PHF19: variants seen among roughly 807,000 people sequenced by gnomAD.
PHF19 encodes the protein polycomb like 3.
In PHF19, 21 loss-of-function variants were observed where a neutral mutation model predicts 79.8. That is an observed-to-expected ratio of 0.26 (90% confidence interval 0.19 to 0.38). The LOEUF (loss-of-function observed/expected upper bound fraction) is 0.38. Ranked by LOEUF, PHF19 falls within the 10% of genes least tolerant of loss-of-function variation. The probability of loss-of-function intolerance (pLI) is 1.00; values close to 1 mark genes in which losing one functional copy is unlikely to be tolerated. For synonymous variants in PHF19, 273 were observed against 296.3 expected, an observed-to-expected ratio of 0.92 and a Z score of 0.81; for missense variants, 445 against 744.2, an observed-to-expected ratio of 0.60 and a Z score of 4.68.
At chr9:120,859,913 C>T (rs1377805552) in intron 14 of PHF19, among the ~76,000 whole-genome samples, 177 bp downstream of exon 14, 2 of 152,182 alleles carry the variant, frequency 1.3e-5, no homozygotes, top group Non-Finnish European at 2.9e-5. Context: ...TCTAAAGCCC[C>T]GTGACTCAGA....
intron 9 of PHF19, 124 bp downstream of exon 9, chr9:120,865,586 C>T (rs2045674954): frequency 4.8e-6 from 6 of 1,240,142 alleles, no homozygotes; most frequent in Middle Eastern, 2.3e-4. Flanking sequence ...AGATCAGAGG[C>T]CTGGACTCAG....
In PHF19 at chr9:120,869,849, A is replaced by G. The variant is rs796412350; in HGVS notation, c.461T>C (p.Val154Ala). The G allele has an allele frequency of 6.2e-7, 1 of 1,612,582 alleles. No homozygotes were observed. The highest frequency in any genetic ancestry group is 8.5e-7 in the Non-Finnish European group (1 of 1,179,514). ...FCRRCIFALA[V>A]RKGGALKKGA... Reference sequence around the variant, plus strand: ...TGGGGAGGATGGAAGGCTCACCCGCACAGCCAGTGCGAAGATGCAGCGTCG... The same window carrying G: ...TGGGGAGGATGGAAGGCTCACCCGCGCAGCCAGTGCGAAGATGCAGCGTCG... Residue 154 changes from valine (V) to alanine (A), a missense_variant, in exon 5 of 15, where the codon GTG (valine) becomes GCG (alanine). Transcript: ENST00000373896. This position sits in a 1 kb window ranked among gnomAD's most constrained non-coding sequence, Gnocchi z 5.8.
chr9:120,866,763 ACCT>A lies in PHF19; in HGVS notation c.710+104_710+106del. The A allele has an allele frequency of 1.4e-6, 1 of 702,386 alleles. No homozygotes were observed. The highest frequency in any genetic ancestry group is 2.7e-6 in the Non-Finnish European group (1 of 377,004). The allele number at this position is 702,386 out of a possible 1,614,324, so 43.5% of individuals were successfully genotyped here. On this transcript the variant is annotated intron_variant, in intron 7 of 14. Coordinates refer to ENST00000373896, the MANE Select transcript of PHF19 (RefSeq NM_015651.3). This position sits in a 1 kb window ranked among gnomAD's most constrained non-coding sequence, Gnocchi z 5.2. ...AACAGGTAGGCATACATTGTCACAG[ACCT>A]CCTCTTGTCTGGAGCCTGGCAGTCA...
intron 1 of PHF19, chr9:120,876,865 C>A (rs1335494666): frequency 2.6e-6 from 1 of 388,784 alleles, no homozygotes; most frequent in Non-Finnish European, 3.5e-6. Flanking sequence ...CGAGGAAGAA[C>A]GACCTGTCAC....
chr9:120,879,277 G>T (rs1388593174), upstream of PHF19, among the ~76,000 whole-genome samples: 1 of 152,230 alleles, frequency 6.6e-6, no homozygotes, highest in Non-Finnish European at 1.5e-5. Flanking sequence ...AGAGCGGGGG[G>T]ATGTGAGACA....
In PHF19 at chr9:120,858,082, G is replaced by A. The variant is rs773897618; in HGVS notation, c.1605C>T (p.Leu535=). 6.2e-7 allele frequency: 1 copy of A among 1,614,166 alleles called. No individual in the cohort carries two copies. The highest frequency in any genetic ancestry group is 8.5e-7 in the Non-Finnish European group (1 of 1,179,976). ...ISEDDSSLSH[L]KSSITNYFGA... ...CAAAGTAGTTGGTGATAGATGACTT[G>A]AGGTGGGACAGGGATGAGTCATCTT... Residue 535 remains leucine (L), a synonymous_variant, in exon 15 of 15, where the codon CTC becomes CTT. Coordinates refer to ENST00000373896, the MANE Select transcript of PHF19 (RefSeq NM_015651.3).
chr9:120,864,131 G>A lies in PHF19; in HGVS notation c.901-15C>T, dbSNP rs772602284. ...GTGCTGGTGAGCTGTGGGAGAGCAG[G>A]CCAGCAGGACATCAGACCCAGGCAT... is the stretch of plus-strand genomic sequence containing the variant. On this transcript the variant is annotated splice_polypyrimidine_tract_variant and intron_variant, in intron 9 of 14. Transcript: ENST00000373896. The A allele has an allele frequency of 3.7e-6, 6 of 1,612,240 alleles. No individual in the cohort carries two copies. The African/African-American group carries it at 5.3e-5, about 14-fold the overall frequency.
At position 120,873,602 on chromosome 9, in the gene PHF19, T is replaced by C. The variant is rs544959896; in HGVS notation, c.268+377A>G. Among the ~76,000 whole-genome samples the C allele has an allele frequency of 5.3e-5, 8 of 152,262 alleles. No individual in the cohort carries two copies. The South Asian group carries it at 1.7e-3, about 31-fold the overall frequency. On this transcript the variant is annotated intron_variant, in intron 3 of 14. Coordinates refer to ENST00000373896, the MANE Select transcript of PHF19 (RefSeq NM_015651.3). ...TGCTTGCATCTAGAGCTGACAATTC[T>C]GAATACCTGGGCACGCCCCCTTTTC...
chr9:120,863,413 G>A (rs2045596402), intron 10 of PHF19, among the ~76,000 whole-genome samples: 1 of 152,136 alleles, frequency 6.6e-6, no homozygotes, highest in Non-Finnish European at 1.5e-5. Flanking sequence ...ACATAGAACA[G>A]CAACTCAATG....
rs1337815005 is a variant in PHF19 at position 120,869,235 on chromosome 9, C to A, written c.561G>T (p.Ser187=). The change falls in exon 6 of 15, where the codon TCG becomes TCT. Residue 187 remains serine, a synonymous_variant. Coordinates refer to ENST00000373896, the MANE Select transcript of PHF19 (RefSeq NM_015651.3). The surrounding 1 kb of genome is among the most constrained non-coding windows in gnomAD (Gnocchi z 5.8). ...ATTGCTGCTGGTTGGTGCGATGGGG[C>A]GAGTCCCACTCGAGCTCCTCGGGCT... The part of the protein sequence containing the change: ...SYQPEELEWD[S]PHRTNQQQCY... 6.2e-7 allele frequency: 1 copy of A among 1,611,980 alleles called. No individual in the cohort carries two copies. Among genetic ancestry groups the A allele is most frequent in the South Asian group, 1.1e-5 (1 of 90,644 alleles).
chr9:120,883,593 T>C, intron 1 of PHF19, among the ~76,000 whole-genome samples: 1 of 152,050 alleles, frequency 6.6e-6, no homozygotes. Context: ...ATCCCATCTC[T>C]ACCAAAAATA....
the PHF19 span, among the ~76,000 whole-genome samples, chr9:120,900,380 C>G: frequency 6.6e-6 from 1 of 152,112 alleles, no homozygotes; most frequent in South Asian, 2.1e-4. Context: ...AGGGAGAGCC[C>G]AAAACAGTAA....
upstream of PHF19, chr9:120,877,292 G>T: frequency 1.0e-6 from 1 of 958,190 alleles, no homozygotes; most frequent in Non-Finnish European, 1.2e-6. Flanking sequence ...GGGGCGCTCA[G>T]GAAGGGGCCC....
chr9:120,876,361 C>A (rs1326683264), intron 1 of PHF19: 5 of 152,052 alleles, frequency 3.3e-5, no homozygotes, highest in Non-Finnish European at 7.4e-5. Flanking sequence ...GGTTCACAAA[C>A]TGACACTTCC....
intron 3 of PHF19, among the ~76,000 whole-genome samples, chr9:120,873,249 C>T (rs1173014592): frequency 6.6e-6 from 1 of 152,210 alleles, no homozygotes; most frequent in East Asian, 1.9e-4. Flanking sequence ...CAGGCAGTAG[C>T]TGCTTGGGGC....
At chr9:120,868,682 A>AC (rs1554818469) in intron 6 of PHF19, 3 of 212,672 alleles carry the variant, frequency 1.4e-5, no homozygotes, top group Non-Finnish European at 2.0e-5. Flanking sequence ...CTCGGGCCCC[A>AC]CCCCGAGCCC....
At chr9:120,882,069 C>T (rs540688056), upstream of PHF19, among the ~76,000 whole-genome samples, 1 of 152,298 alleles carries the variant, frequency 6.6e-6, no homozygotes, top group Admixed American at 6.5e-5. Flanking sequence ...CCACCCTTCT[C>T]TTTTAAGGCT....
At chr9:120,881,548 G>T (rs185412347), upstream of PHF19, among the ~76,000 whole-genome samples, 1 of 152,292 alleles carries the variant, frequency 6.6e-6, no homozygotes, top group African/African-American at 2.4e-5. Flanking sequence ...GAGCTGGGTG[G>T]TTGATCCATA....
At position 120,860,808 on chromosome 9, in the gene PHF19, C is replaced by T; in HGVS notation, c.1304+281G>A. 1 of 376,288 alleles carries T rather than the reference C, an allele frequency of 2.7e-6. No homozygotes were observed. The highest frequency in any genetic ancestry group is 5.1e-6 in the Non-Finnish European group (1 of 196,662). The allele number at this position is 376,288 out of a possible 1,614,324, so 23.3% of individuals were successfully genotyped here. ...AGTTTTCAGATGGGCTAGGGCAAGGCAAAGGGTATCTCAGGCAGAGGGAGC... is the reference window on the plus strand; with the variant it reads ...AGTTTTCAGATGGGCTAGGGCAAGGTAAAGGGTATCTCAGGCAGAGGGAGC... On this transcript the variant is annotated intron_variant, in intron 13 of 14. Coordinates refer to ENST00000373896, the MANE Select transcript of PHF19 (RefSeq NM_015651.3). The surrounding 1 kb of genome is among the most constrained non-coding windows in gnomAD (Gnocchi z 4.1).
Sources: allele counts gnomAD v4.1 joint callset (sites outside exome capture counted in the v4.1 genomes callset), GRCh38; gene constraint gnomAD v4.1.1; non-coding constraint Gnocchi (gnomAD v3.1); transcripts MANE v1.5; gene names NCBI Gene and HGNC (gene_info 2026-07-23, HGNC 2026-07-21).